The following RARB variants were observed in gnomAD, a reference collection of about 807,000 sequenced individuals.
RARB encodes HBV-activated protein.
RARB carries 17 observed loss-of-function variants against 51.9 expected under a neutral mutation model. The observed-to-expected ratio is 0.33, with a 90% CI of 0.22 to 0.49. RARB has a LOEUF of 0.49. Ranked by LOEUF, RARB falls within the 20% of genes least tolerant of loss-of-function variation. The probability of loss-of-function intolerance (pLI) is 0.99; values close to 1 mark genes in which losing one functional copy is unlikely to be tolerated. For synonymous variants in RARB, 215 were observed against 195.4 expected, an observed-to-expected ratio of 1.10 and a Z score of -0.84; for missense variants, 369 against 550.8, an observed-to-expected ratio of 0.67 and a Z score of 3.30.
chr3:25,313,022 C>T (rs322699), intron 5 of RARB, among the ~76,000 whole-genome samples: 53,759 of 152,146 alleles, frequency 0.35, 10,177 homozygotes, highest in African/African-American at 0.48. Flanking sequence ...GCTCTATCCA[C>T]TTCTAGCCAT....
At chr3:24,939,505 T>A (rs1034380448) in intron 2 of RARB, among the ~76,000 whole-genome samples, 1 of 152,238 alleles carries the variant, frequency 6.6e-6, no homozygotes, top group African/African-American at 2.4e-5. Flanking sequence ...GCTCTTCTTT[T>A]ATTTTGCCAT....
chr3:24,955,936 C>T (rs1022062155), intron 2 of RARB, among the ~76,000 whole-genome samples: 1 of 152,116 alleles, frequency 6.6e-6, no homozygotes, highest in Non-Finnish European at 1.5e-5. Flanking sequence ...CTCCTCTTCT[C>T]TTGAGGCTGA....
At chr3:25,301,768 G>A (rs1213064132) in intron 5 of RARB, among the ~76,000 whole-genome samples, 1 of 152,136 alleles carries the variant, frequency 6.6e-6, no homozygotes, top group Non-Finnish European at 1.5e-5. Context: ...CATTATTTAT[G>A]GCTTCAGCCA....
At chr3:25,343,408 A>G (rs913983295) in intron 5 of RARB, among the ~76,000 whole-genome samples, 1 of 151,844 alleles carries the variant, frequency 6.6e-6, no homozygotes, top group African/African-American at 2.4e-5. Flanking sequence ...GAAGAGATGT[A>G]ATTGAAGTCT....
chr3:25,558,703 G>GC (rs1401188524), intron 3 of RARB, among the ~76,000 whole-genome samples: 1 of 151,918 alleles, frequency 6.6e-6, no homozygotes, highest in Admixed American at 6.6e-5. Flanking sequence ...CCTAATTCAT[G>GC]CCCCCTCAAA....
chr3:25,583,068 T>G (rs1003684201), intron 5 of RARB, among the ~76,000 whole-genome samples: 2 of 151,958 alleles, frequency 1.3e-5, no homozygotes, highest in African/African-American at 4.8e-5. Context: ...GGAGTCTGGG[T>G]TGGGGTGCAA....
intron 5 of RARB, among the ~76,000 whole-genome samples, chr3:25,363,573 C>T (rs1040349410): frequency 6.6e-6 from 1 of 152,148 alleles, no homozygotes; most frequent in African/African-American, 2.4e-5. Context: ...ATTGACTCCA[C>T]CACAGTATGG....
intron 1 of RARB, among the ~76,000 whole-genome samples, chr3:25,446,539 C>T (rs1288045220): frequency 6.6e-6 from 1 of 152,156 alleles, no homozygotes. Context: ...CGCAGTGGCT[C>T]ACGCCTGTAA....
chr3:24,914,234 A>G (rs1695060457), intron 2 of RARB, among the ~76,000 whole-genome samples: 1 of 152,224 alleles, frequency 6.6e-6, no homozygotes, highest in South Asian at 2.1e-4. Context: ...ACAGCAACAC[A>G]TGCTCAAATC....
chr3:25,559,434 T>G (rs1455231091), intron 3 of RARB, among the ~76,000 whole-genome samples: 1 of 152,214 alleles, frequency 6.6e-6, no homozygotes, highest in African/African-American at 2.4e-5. Flanking sequence ...CCTTAGGTTT[T>G]GAATTCATAT....
At chr3:25,165,803 C>T (rs1338336249) in intron 4 of RARB, among the ~76,000 whole-genome samples, 1 of 152,140 alleles carries the variant, frequency 6.6e-6, no homozygotes, top group Non-Finnish European at 1.5e-5. Context: ...CCCCTATTTA[C>T]ATTACTACTC....
intron 4 of RARB, among the ~76,000 whole-genome samples, chr3:25,576,115 G>A (rs1700917617): frequency 2.2e-5 from 3 of 134,016 alleles, no homozygotes; most frequent in Non-Finnish European, 4.8e-5. Flanking sequence ...ACGGCACAGG[G>A]TTTCACAGGG....
chr3:25,428,003 G>A (rs1207023188), upstream of RARB, among the ~76,000 whole-genome samples: 2 of 152,162 alleles, frequency 1.3e-5, no homozygotes, highest in Non-Finnish European at 2.9e-5. Context: ...CAGCGTCCCG[G>A]CTCCTCCCCT....
chr3:25,216,422 C>G (rs758406917), intron 5 of RARB, among the ~76,000 whole-genome samples: 1 of 152,238 alleles, frequency 6.6e-6, no homozygotes, highest in African/African-American at 2.4e-5. Flanking sequence ...GGAATGAGTT[C>G]GTATCCTTTG....
intron 2 of RARB, among the ~76,000 whole-genome samples, chr3:25,004,300 A>T (rs1267956414): frequency 6.6e-6 from 1 of 152,166 alleles, no homozygotes; most frequent in African/African-American, 2.4e-5. Context: ...AATAGGATTT[A>T]GTGAAAATAC....
intron 2 of RARB, among the ~76,000 whole-genome samples, chr3:25,059,229 A>C (rs544008241): frequency 6.6e-6 from 1 of 151,730 alleles, no homozygotes; most frequent in Non-Finnish European, 1.5e-5. Context: ...GCCACTATTT[A>C]TGTACATTCG....
intron 5 of RARB, among the ~76,000 whole-genome samples, chr3:25,331,896 C>G (rs141419795): frequency 0.01 from 1,579 of 152,264 alleles, 11 homozygotes; most frequent in Middle Eastern, 0.027. Context: ...ACTATTAACA[C>G]CTCTATGCAA....
chr3:25,314,279 T>C (rs1413312059), intron 5 of RARB, among the ~76,000 whole-genome samples: 1 of 152,216 alleles, frequency 6.6e-6, no homozygotes, highest in Non-Finnish European at 1.5e-5. Flanking sequence ...TGATAACAGT[T>C]TTCTATAGGA....
intron 2 of RARB, among the ~76,000 whole-genome samples, chr3:24,953,774 T>C (rs970295510): frequency 1.3e-5 from 2 of 152,192 alleles, no homozygotes; most frequent in Admixed American, 6.5e-5. Flanking sequence ...GTTCCCCTAC[T>C]CTTCCAAAGC....
Sources: allele counts gnomAD v4.1 joint callset (sites outside exome capture counted in the v4.1 genomes callset), GRCh38; gene constraint gnomAD v4.1.1; transcripts MANE v1.5; gene names NCBI Gene and HGNC (gene_info 2026-07-23, HGNC 2026-07-21).